NFATC2: variants seen among roughly 807,000 people sequenced by gnomAD.
NFATC2 encodes the protein nuclear factor of activated T-cells, cytoplasmic 2.
A neutral mutation model predicts 87.3 loss-of-function variants in NFATC2; 22 were observed. The observed-to-expected ratio is 0.25, with a 90% CI of 0.18 to 0.36. The LOEUF (loss-of-function observed/expected upper bound fraction) is 0.36, where lower values mean the gene tolerates loss of function less well. NFATC2 is among the 10% of genes least tolerant of loss of function. The pLI, the probability that NFATC2 is intolerant of heterozygous loss-of-function variation, is 1.00. For synonymous variants in NFATC2, 565 were observed against 542.2 expected (o/e 1.04, Z -0.58); for missense variants, 1,149 against 1,259.1 (o/e 0.91, Z 1.32).
At chr20:51,430,855 G>A (rs1203586541) in intron 9 of NFATC2, among the ~76,000 whole-genome samples, 1 of 152,140 alleles carries the variant, frequency 6.6e-6, no homozygotes, top group Non-Finnish European at 1.5e-5. Context: ...CCTTGGCTGG[G>A]CTCCTGAGAG....
chr20:51,557,085 T>G (rs560965144), intron 1 of NFATC2, among the ~76,000 whole-genome samples: 23 of 152,166 alleles, frequency 1.5e-4, no homozygotes, highest in Non-Finnish European at 2.5e-4. Context: ...ACCAAGCTTT[T>G]GGCATCAGCT....
chr20:51,508,940 C>T (rs547630875), intron 3 of NFATC2, among the ~76,000 whole-genome samples: 3 of 152,240 alleles, frequency 2.0e-5, no homozygotes, highest in South Asian at 2.1e-4. Context: ...CTGACACCTA[C>T]GTCAAGCCAG....
intron 2 of NFATC2, among the ~76,000 whole-genome samples, chr20:51,518,972 A>G (rs62229858): frequency 0.048 from 7,255 of 152,150 alleles, 211 homozygotes; most frequent in African/African-American, 0.066. Flanking sequence ...AGCTAAGTTT[A>G]AACATTTTGT....
intron 9 of NFATC2, among the ~76,000 whole-genome samples, chr20:51,412,126 C>G (rs774820060): frequency 1.3e-5 from 2 of 152,120 alleles, no homozygotes; most frequent in African/African-American, 2.4e-5. Flanking sequence ...ACAGAGGGGA[C>G]CCTGAACAGC....
chr20:51,539,338 A>T (rs2076769282), intron 1 of NFATC2, among the ~76,000 whole-genome samples: 1 of 152,210 alleles, frequency 6.6e-6, no homozygotes, highest in Non-Finnish European at 1.5e-5. Context: ...AAAAAGATTA[A>T]GGCTAGTGTT....
At chr20:51,553,195 C>T (rs1568759213) in intron 1 of NFATC2, among the ~76,000 whole-genome samples, 1 of 152,120 alleles carries the variant, frequency 6.6e-6, no homozygotes, top group East Asian at 1.9e-4. Flanking sequence ...TTTGCCCCAG[C>T]CCCCACCTGT....
rs759308602 is a variant in NFATC2, at chr20:51,475,489, G to A, written c.1504C>T (p.Pro502Ser). The part of the protein sequence containing the change: ...IVGNTKVLEI[P>S]LEPKNNMRAT... ...CTCATGTTGTTTTTGGGCTCCAAGG[G>A]TATCTCCAGGACTTTGGTGTTGCCC... The change falls in exon 4 of 11, where the codon CCC becomes TCC. Residue 502 changes from proline (P) to serine (S), a missense_variant. This residue lies in a region of NFATC2 where 581 missense variants were observed against 649.7 expected (regional missense o/e 0.89). Transcript: ENST00000371564. The A allele has an allele frequency of 2.5e-6, 4 of 1,613,964 alleles. No individual in the cohort carries two copies. The Admixed American group carries it at 6.7e-5, about 27-fold the overall frequency.
chr20:51,452,660 ACCT>A (rs1444025028), intron 6 of NFATC2, among the ~76,000 whole-genome samples: 1 of 151,568 alleles, frequency 6.6e-6, no homozygotes, highest in Admixed American at 6.6e-5. Flanking sequence ...CCCCACACAG[ACCT>A]CCTCTCCTGT....
At chr20:51,431,085 T>C (rs1176681778) in intron 9 of NFATC2, among the ~76,000 whole-genome samples, 3 of 152,204 alleles carry the variant, frequency 2.0e-5, no homozygotes, top group East Asian at 3.8e-4. Context: ...TACCCCATTC[T>C]CTATATGTGC....
At chr20:51,391,956 A>G (rs1439343886) in intron 10 of NFATC2, among the ~76,000 whole-genome samples, 8 of 152,176 alleles carry the variant, frequency 5.3e-5, no homozygotes, top group Non-Finnish European at 1.2e-4. Flanking sequence ...AAATTGCTCA[A>G]ATGGTAACTT....
intron 3 of NFATC2, among the ~76,000 whole-genome samples, chr20:51,495,961 A>G (rs1336655253): frequency 6.6e-6 from 1 of 152,192 alleles, no homozygotes; most frequent in African/African-American, 2.4e-5. Flanking sequence ...TTTTTATATT[A>G]AAAAGAGGCC....
At chr20:51,492,009 G>A (rs866799728) in intron 3 of NFATC2, among the ~76,000 whole-genome samples, 35 of 150,340 alleles carry the variant, frequency 2.3e-4, no homozygotes, top group African/African-American at 8.4e-4. Context: ...CCGCGCCCCC[G>A]GAGTGCCATG....
At chr20:51,561,862 T>G (rs879930804) in intron 1 of NFATC2, among the ~76,000 whole-genome samples, 1 of 151,976 alleles carries the variant, frequency 6.6e-6, no homozygotes, top group African/African-American at 2.4e-5. Context: ...ATGCTCCTTA[T>G]AGTTAACCCC....
At chr20:51,503,644 G>C (rs2076127444) in intron 3 of NFATC2, among the ~76,000 whole-genome samples, 1 of 152,210 alleles carries the variant, frequency 6.6e-6, no homozygotes, top group Admixed American at 6.5e-5. Flanking sequence ...GACATGCTTG[G>C]GGGTGTCAAC....
At chr20:51,508,825 C>CT (rs1350620905) in intron 3 of NFATC2, among the ~76,000 whole-genome samples, 1 of 152,060 alleles carries the variant, frequency 6.6e-6, no homozygotes, top group Non-Finnish European at 1.5e-5. Context: ...ACTCTAACCC[C>CT]TTCTCCTGCT....
chr20:51,495,861 A>T (rs2146603923), intron 3 of NFATC2, among the ~76,000 whole-genome samples: 1 of 152,248 alleles, frequency 6.6e-6, no homozygotes, highest in African/African-American at 2.4e-5. Flanking sequence ...TCCCTGTGGG[A>T]AACCTGTGGA....
chr20:51,556,779 C>A (rs1006535163), intron 1 of NFATC2, among the ~76,000 whole-genome samples: 1 of 152,174 alleles, frequency 6.6e-6, no homozygotes, highest in Non-Finnish European at 1.5e-5. Context: ...GAGCCCGGAG[C>A]CCCGGAGTGT....
chr20:51,431,919 G>A, intron 9 of NFATC2, 148 bp downstream of exon 9: 1 of 801,360 alleles, frequency 1.2e-6, no homozygotes, highest in Non-Finnish European at 1.9e-6. Context: ...TGGCTTTCAG[G>A]GTCATATTAT....
chr20:51,535,664 G>A (rs948329756), intron 1 of NFATC2, among the ~76,000 whole-genome samples: 1 of 152,180 alleles, frequency 6.6e-6, no homozygotes, highest in Admixed American at 6.5e-5. Flanking sequence ...GACCTGCAGC[G>A]CACCTTCTTA....
Sources: gnomAD v4.1 joint callset for allele counts (sites outside exome capture counted in the v4.1 genomes callset) on GRCh38, gnomAD v4.1.1 for gene constraint, gnomAD v4.1.1 regional missense constraint, MANE v1.5 for transcripts, NCBI Gene and HGNC (gene_info 2026-07-23, HGNC 2026-07-21) for gene names.